The following SLAMF6 variants were observed in gnomAD, a reference collection of about 807,000 sequenced individuals.
SLAMF6 encodes the protein NK-T-B-antigen.
A neutral mutation model predicts 38.3 loss-of-function variants in SLAMF6; 21 were observed. The observed-to-expected ratio is 0.55, with a 90% confidence interval of 0.39 to 0.79. The LOEUF is 0.79. SLAMF6 is among the 30% of genes least tolerant of loss of function. SLAMF6 has a pLI of 0.00. For synonymous variants in SLAMF6, 152 were observed against 146.3 expected (o/e 1.04, Z -0.28); for missense variants, 341 against 385.3 (o/e 0.89, Z 0.96).
intron 1 of SLAMF6, among the ~76,000 whole-genome samples, chr1:160,521,579 T>C (rs1290254408): frequency 2.0e-5 from 3 of 152,184 alleles, no homozygotes; most frequent in African/African-American, 7.2e-5. Context: ...CTGCATTTTA[T>C]ATATATTTCC....
intron 1 of SLAMF6, among the ~76,000 whole-genome samples, chr1:160,518,460 T>C (rs1457184970): frequency 6.6e-6 from 1 of 152,054 alleles, no homozygotes; most frequent in Non-Finnish European, 1.5e-5. Context: ...TATGTGCATG[T>C]TCATTGCACG....
At chr1:160,495,190 C>T (rs1045519268) in intron 2 of SLAMF6, among the ~76,000 whole-genome samples, 11 of 152,294 alleles carry the variant, frequency 7.2e-5, no homozygotes, top group African/African-American at 2.4e-4. Context: ...ATTTTAGACA[C>T]TACAGGCCCT....
At chr1:160,510,590 AG>A (rs1654422629) in intron 1 of SLAMF6, among the ~76,000 whole-genome samples, 2 of 152,208 alleles carry the variant, frequency 1.3e-5, no homozygotes, top group African/African-American at 4.8e-5. Context: ...GAACTTCCTC[AG>A]TCTGATAAAA....
intron 1 of SLAMF6, among the ~76,000 whole-genome samples, chr1:160,513,660 C>T (rs1187380835): frequency 6.6e-6 from 1 of 152,156 alleles, no homozygotes; most frequent in African/African-American, 2.4e-5. Flanking sequence ...TAACATCAGG[C>T]CTCTCAGCAG....
intron 1 of SLAMF6, among the ~76,000 whole-genome samples, chr1:160,522,211 T>G (rs12025852): frequency 0.013 from 1,917 of 152,350 alleles, 54 homozygotes; most frequent in East Asian, 0.11. Flanking sequence ...TAATGAAATT[T>G]GGGCAAATTA....
chr1:160,511,586 C>T (rs1221006617), intron 1 of SLAMF6, among the ~76,000 whole-genome samples: 2 of 152,122 alleles, frequency 1.3e-5, no homozygotes, highest in Non-Finnish European at 2.9e-5. Flanking sequence ...ATGTATCGAT[C>T]ACCTAAATAT....
chr1:160,494,297 C>T (rs1653451744), intron 2 of SLAMF6, among the ~76,000 whole-genome samples: 1 of 152,138 alleles, frequency 6.6e-6, no homozygotes, highest in African/African-American at 2.4e-5. Flanking sequence ...GTGGCTGTCA[C>T]AAGATAAGTC....
At position 160,485,252 on chromosome 1, in the gene SLAMF6, C is replaced by T. The variant is rs1652909266; in HGVS notation, c.*1455G>A. ...ATTTTTAGTAAAGACGGGGTTTCAC[C>T]AAGTTGGCCAGGCTGGTCTTGAACT... is the stretch of plus-strand genomic sequence containing the variant. On this transcript the variant is annotated 3_prime_UTR_variant, in exon 8 of 8. Transcript: ENST00000368057. 6.6e-6 allele frequency: 1 copy of T among 152,006 alleles called. No individual in the cohort carries two copies. Among genetic ancestry groups the T allele is most frequent in the African/African-American group, 2.4e-5 (1 of 41,364 alleles). The allele number at this position is 152,006 out of a possible 1,614,324, so 9.4% of individuals were successfully genotyped here.
At chr1:160,518,403 T>C (rs1654840679) in intron 1 of SLAMF6, among the ~76,000 whole-genome samples, 2 of 152,228 alleles carry the variant, frequency 1.3e-5, no homozygotes, top group Admixed American at 1.3e-4. Context: ...ATCCCATTAC[T>C]GGGTATATAC....
In SLAMF6 at chr1:160,486,717, T is replaced by C. The variant is rs1485433640; in HGVS notation, c.989A>G (p.Asn330Ser). Residue 330 changes from asparagine to serine, a missense_variant, in exon 8 of 8, where the codon AAT becomes AGT. Physicochemically the swap from Asn to Ser is conservative, Grantham distance 46. Coordinates refer to ENST00000368057, the MANE Select transcript of SLAMF6 (RefSeq NM_001184714.2). ...AGGCCTTTCAGCAACTTACACGACA[T>C]TGTCAAGGGCAGTTGCCCTGGAAAA... Reference protein sequence around the residue: ...PTFSRATALDNVV With the variant: ...PTFSRATALDSVV 3 of 1,613,670 alleles carry C rather than the reference T, an allele frequency of 1.9e-6. No individual in the cohort carries two copies. The highest frequency in any genetic ancestry group is 1.1e-5 in the South Asian group (1 of 91,076).
At chr1:160,517,249 A>G (rs1471280578) in intron 1 of SLAMF6, among the ~76,000 whole-genome samples, 2 of 152,230 alleles carry the variant, frequency 1.3e-5, no homozygotes, top group Non-Finnish European at 2.9e-5. Flanking sequence ...CAGCCAACAA[A>G]CATGAAAAAA....
At position 160,523,160 on chromosome 1, in the gene SLAMF6, G is replaced by C; in HGVS notation, c.33C>G (p.Val11=). Reference sequence around the variant, plus strand: ...GACATTTACCTGGGCCAAAGCAGAAGACAAACAGGAGCGATTGGAACAGCC... The same window carrying C: ...GACATTTACCTGGGCCAAAGCAGAACACAAACAGGAGCGATTGGAACAGCC... The part of the protein sequence containing the change: MLWLFQSLLF[V]FCFGPGNVVS... The change falls in exon 1 of 8, where the codon GTC becomes GTG. Residue 11 remains valine (V), a synonymous_variant. Coordinates refer to ENST00000368057, the MANE Select transcript of SLAMF6 (RefSeq NM_001184714.2). 1 of 1,613,844 alleles carries C rather than the reference G, an allele frequency of 6.2e-7. No homozygotes were observed. Among genetic ancestry groups the C allele is most frequent in the Non-Finnish European group, 8.5e-7 (1 of 1,179,878 alleles).
In SLAMF6 at chr1:160,485,438, C is replaced by A. The variant is rs1184757200; in HGVS notation, c.*1269G>T. On this transcript the variant is annotated 3_prime_UTR_variant, in exon 8 of 8. Coordinates refer to ENST00000368057, the MANE Select transcript of SLAMF6 (RefSeq NM_001184714.2). ...AAATTAAACCTAAAGAATAGGAGGA[C>A]CCCAGCAGGCAGAGGAAGGGCCTGC... 1 of 152,100 alleles carries A rather than the reference C, an allele frequency of 6.6e-6. No homozygotes were observed. Among genetic ancestry groups the A allele is most frequent in the Non-Finnish European group, 1.5e-5 (1 of 68,034 alleles). The allele number at this position is 152,100 out of a possible 1,614,324, so 9.4% of individuals were successfully genotyped here.
chr1:160,508,254 A>C (rs987000047), intron 1 of SLAMF6, among the ~76,000 whole-genome samples: 1 of 152,242 alleles, frequency 6.6e-6, no homozygotes, highest in Non-Finnish European at 1.5e-5. Context: ...CCTGACTTCA[A>C]AATATACTAC....
At chr1:160,523,018 G>A (rs1163904197) in intron 1 of SLAMF6, 126 bp downstream of exon 1, 11 of 941,878 alleles carry the variant, frequency 1.2e-5, no homozygotes, top group Middle Eastern at 2.2e-4. Context: ...CACTGCCAGC[G>A]TCCCCTTTCC....
At chr1:160,516,095 C>A (rs1278537508) in intron 1 of SLAMF6, among the ~76,000 whole-genome samples, 1 of 152,118 alleles carries the variant, frequency 6.6e-6, no homozygotes, top group East Asian at 1.9e-4. Flanking sequence ...GATCCTATAT[C>A]TAGAAAACCC....
Position 160,486,592 on chromosome 1 carries a change from A to T in SLAMF6, c.*115T>A. 9.3e-7 allele frequency: 1 copy of T among 1,075,716 alleles called. No individual in the cohort carries two copies. The allele number at this position is 1,075,716 out of a possible 1,614,324, so 66.6% of individuals were successfully genotyped here. ...GGACTGGAGGTGATCATCCTATCCT[A>T]GATATTCAAATTCTGTTGCCAGGAA... is the stretch of plus-strand genomic sequence containing the variant. On this transcript the variant is annotated 3_prime_UTR_variant, in exon 8 of 8. Coordinates refer to ENST00000368057, the MANE Select transcript of SLAMF6 (RefSeq NM_001184714.2).
chr1:160,521,157 G>C (rs1461243471), intron 1 of SLAMF6, among the ~76,000 whole-genome samples: 2 of 152,104 alleles, frequency 1.3e-5, no homozygotes, highest in African/African-American at 4.8e-5. Context: ...GTGGCTATGA[G>C]CACAGACTCC....
At chr1:160,520,418 G>C (rs1654930760) in intron 1 of SLAMF6, among the ~76,000 whole-genome samples, 1 of 152,136 alleles carries the variant, frequency 6.6e-6, no homozygotes, top group Non-Finnish European at 1.5e-5. Flanking sequence ...GTGGTCCATG[G>C]ACAGGCAGCA....
Sources: allele counts gnomAD v4.1 joint callset (sites outside exome capture counted in the v4.1 genomes callset), GRCh38; gene constraint gnomAD v4.1.1; transcripts MANE v1.5; gene names NCBI Gene and HGNC (gene_info 2026-07-23, HGNC 2026-07-21).